Variants in FUT9 observed in about 807,000 individuals in gnomAD.
FUT9 encodes the protein 4-galactosyl-N-acetylglucosaminide 3-alpha-L-fucosyltransferase 9.
FUT9 carries 15 observed loss-of-function variants against 29.7 expected under a neutral mutation model. The ratio of observed to expected loss-of-function variants is 0.51; its 90% CI spans 0.34 to 0.78. FUT9 has a LOEUF of 0.78. Ranked by LOEUF, FUT9 falls within the 30% of genes least tolerant of loss-of-function variation. The probability of loss-of-function intolerance (pLI) is 0.01; values close to 1 mark genes in which losing one functional copy is unlikely to be tolerated. For synonymous variants in FUT9, 169 were observed against 153.7 expected, an observed-to-expected ratio of 1.10 and a Z score of -0.74; for missense variants, 319 against 425.4, an observed-to-expected ratio of 0.75 and a Z score of 2.20.
chr6:96,173,543 C>A (rs958649973), intron 2 of FUT9, among the ~76,000 whole-genome samples: 13 of 152,070 alleles, frequency 8.5e-5, no homozygotes, highest in African/African-American at 3.1e-4. Context: ...GTTCTTTTCT[C>A]ACTCTCTCTA....
intron 2 of FUT9, among the ~76,000 whole-genome samples, chr6:96,117,176 AT>A (rs370209161): frequency 1.3e-3 from 198 of 152,286 alleles, no homozygotes; most frequent in African/African-American, 4.6e-3. Flanking sequence ...ATTTTAGTTG[AT>A]TTTTTTCAAA....
In FUT9 at chr6:96,182,520, C is replaced by A. The variant is rs115606956; in HGVS notation, c.-8-20628C>A. ...CTAAGCCAATGTCTAGAGGTCTTTT[C>A]CAATGTTATCTTCTTGAATTTTTAT... On this transcript the variant is annotated intron_variant, in intron 2 of 2. Coordinates refer to ENST00000302103, the MANE Select transcript of FUT9 (RefSeq NM_006581.4). Among the ~76,000 whole-genome samples the A allele has an allele frequency of 3.2e-3, 489 of 152,014 alleles. 3 individuals carry two copies. The highest frequency in any genetic ancestry group is 0.011 in the African/African-American group (462 of 41,496).
In FUT9 at chr6:96,133,390, G is replaced by T. The variant is rs145064566; in HGVS notation, c.-9+19263G>T. 1.9e-3 allele frequency among the ~76,000 whole-genome samples: 291 copies of T among 151,962 alleles called. 1 individual carries two copies. Among genetic ancestry groups the T allele is most frequent in the African/African-American group, 6.2e-3 (256 of 41,516 alleles). On this transcript the variant is annotated intron_variant, in intron 2 of 2. Coordinates refer to ENST00000302103, the MANE Select transcript of FUT9 (RefSeq NM_006581.4). Reference sequence around the variant, plus strand: ...AGGGATGAAGTAAAACCAAAAAAAGGAAAACAGCAGAGAAATCATTGTGAA... The same window carrying T: ...AGGGATGAAGTAAAACCAAAAAAAGTAAAACAGCAGAGAAATCATTGTGAA...
chr6:96,071,824 AG>A (rs1771068315), intron 1 of FUT9, among the ~76,000 whole-genome samples: 1 of 152,120 alleles, frequency 6.6e-6, no homozygotes, highest in Non-Finnish European at 1.5e-5. Context: ...TTGTAGAGAC[AG>A]GGTTCCACTA....
Position 96,203,563 on chromosome 6 carries a change from G to T in FUT9, c.408G>T (p.Leu136Phe). Residue 136 changes from leucine (L) to phenylalanine (F), a missense_variant, in exon 3 of 3, where the codon TTG becomes TTT. Coordinates refer to ENST00000302103, the MANE Select transcript of FUT9 (RefSeq NM_006581.4). ...PPFQKWIWMN[L>F]ESPTHTPQKS... Reference sequence around the variant, plus strand: ...TCCAGAAATGGATTTGGATGAATTTGGAATCACCAACTCACACTCCCCAAA... The same window carrying T: ...TCCAGAAATGGATTTGGATGAATTTTGAATCACCAACTCACACTCCCCAAA... The T allele has an allele frequency of 1.9e-6, 3 of 1,613,650 alleles. No individual in the cohort carries two copies. The highest frequency in any genetic ancestry group is 2.5e-6 in the Non-Finnish European group (3 of 1,179,880).
intron 2 of FUT9, among the ~76,000 whole-genome samples, chr6:96,196,306 G>A (rs1201797481): frequency 6.6e-6 from 1 of 152,142 alleles, no homozygotes; most frequent in Non-Finnish European, 1.5e-5. Context: ...GGAGCCTTCA[G>A]AATTAAGACT....
intron 2 of FUT9, among the ~76,000 whole-genome samples, chr6:96,190,586 C>A (rs1773487877): frequency 1.3e-5 from 2 of 152,162 alleles, no homozygotes; most frequent in African/African-American, 2.4e-5. Context: ...TCCCATATTT[C>A]TTGGAGGCTT....
chr6:96,085,480 C>T (rs954373235), intron 1 of FUT9, among the ~76,000 whole-genome samples: 6 of 152,146 alleles, frequency 3.9e-5, no homozygotes, highest in Non-Finnish European at 8.8e-5. Context: ...TTTCCAAGAC[C>T]GCACCTTCTA....
intron 2 of FUT9, among the ~76,000 whole-genome samples, chr6:96,133,761 T>A (rs1276163857): frequency 6.6e-6 from 1 of 151,962 alleles, no homozygotes; most frequent in African/African-American, 2.4e-5. Context: ...TTGTTTTGCA[T>A]GTTTGTATAG....
At chr6:96,112,395 G>T in intron 1 of FUT9, among the ~76,000 whole-genome samples, 1 of 152,114 alleles carries the variant, frequency 6.6e-6, no homozygotes, top group East Asian at 1.9e-4. Flanking sequence ...GGTGATATTT[G>T]ACTTTTTAAA....
At chr6:96,191,493 A>T in intron 2 of FUT9, among the ~76,000 whole-genome samples, 1 of 152,314 alleles carries the variant, frequency 6.6e-6, no homozygotes, top group Non-Finnish European at 1.5e-5. Context: ...GAAATGGATA[A>T]ATTCCTGGAC....
chr6:96,129,293 CA>C (rs1483783210), intron 2 of FUT9, among the ~76,000 whole-genome samples: 2 of 10,158 alleles, frequency 2.0e-4, no homozygotes, highest in Non-Finnish European at 2.9e-4. Context: ...AAAAAAAAAA[CA>C]AACAACCAGC....
At chr6:96,118,595 T>A (rs1418346047) in intron 2 of FUT9, among the ~76,000 whole-genome samples, 1 of 152,240 alleles carries the variant, frequency 6.6e-6, no homozygotes, top group Non-Finnish European at 1.5e-5. Flanking sequence ...AATTATGTTA[T>A]AGTTTATGTA....
At chr6:96,193,319 T>C in intron 2 of FUT9, among the ~76,000 whole-genome samples, 1 of 138,800 alleles carries the variant, frequency 7.2e-6, no homozygotes, top group African/African-American at 2.6e-5. Flanking sequence ...AAAGGGCTAA[T>C]ATCCAGAATC....
chr6:96,016,240 CG>C (rs1321284984), intron 1 of FUT9, 28 bp downstream of exon 1: 2 of 152,426 alleles, frequency 1.3e-5, no homozygotes, highest in East Asian at 3.9e-4. Flanking sequence ...TGCAGGGGGT[CG>C]GGCGTCAAAG....
chr6:96,189,889 G>A (rs566712876), intron 2 of FUT9, among the ~76,000 whole-genome samples: 333 of 152,190 alleles, frequency 2.2e-3, no homozygotes, highest in African/African-American at 7.7e-3. Context: ...TTTAATTGGA[G>A]CATTTAGCCC....
chr6:96,111,887 T>A (rs938505813), intron 1 of FUT9, among the ~76,000 whole-genome samples: 1 of 152,228 alleles, frequency 6.6e-6, no homozygotes, highest in Non-Finnish European at 1.5e-5. Flanking sequence ...TATTTTGATC[T>A]TTTATGTGCA....
In FUT9 at chr6:96,027,654, A is replaced by G. The variant is rs537006256; in HGVS notation, c.-98+11442A>G. On this transcript the variant is annotated intron_variant, in intron 1 of 2. Coordinates refer to ENST00000302103, the MANE Select transcript of FUT9 (RefSeq NM_006581.4). Reference sequence around the variant, plus strand: ...TTCTAAAAACAACAAAAACATCAACAAAAGGACTGTCTCTAAGGGACAGCT... The same window carrying G: ...TTCTAAAAACAACAAAAACATCAACGAAAGGACTGTCTCTAAGGGACAGCT... Among the ~76,000 whole-genome samples the G allele has an allele frequency of 6.5e-4, 98 of 151,686 alleles. 1 individual carries two copies. The South Asian group carries it at 0.02, about 31-fold the overall frequency.
chr6:96,210,692 T>C lies in FUT9; in HGVS notation c.*6457T>C, dbSNP rs1161350615. ...TGGTCTAGACAATTACTAGGATATA[T>C]GCTTCTGTGATCTGCTTTTCTATTG... On this transcript the variant is annotated 3_prime_UTR_variant, in exon 3 of 3. Transcript: ENST00000302103. 6.0e-6 allele frequency: 1 copy of C among 166,958 alleles called. No homozygotes were observed. The highest frequency in any genetic ancestry group is 2.4e-5 in the African/African-American group (1 of 41,444). The allele number at this position is 166,958 out of a possible 1,614,324, so 10.3% of individuals were successfully genotyped here.
Sources: allele counts gnomAD v4.1 joint callset (sites outside exome capture counted in the v4.1 genomes callset), GRCh38; gene constraint gnomAD v4.1.1; transcripts MANE v1.5; gene names NCBI Gene and HGNC (gene_info 2026-07-23, HGNC 2026-07-21).